Variants in UBTD2 observed in about 807,000 individuals in gnomAD.
The protein encoded by UBTD2 is ubiquitin domain containing 2.
UBTD2 carries 9 observed loss-of-function variants against 19.8 expected under a neutral mutation model. The ratio of observed to expected loss-of-function variants is 0.46; its 90% CI spans 0.27 to 0.79. The LOEUF is 0.79. Among genes scored for constraint, UBTD2 ranks in the 30% least tolerant of loss-of-function variants. The pLI is 0.14. For synonymous variants in UBTD2, 98 were observed against 103.9 expected (o/e 0.94, Z 0.35); for missense variants, 250 against 300.4 (o/e 0.83, Z 1.24).
At chr5:172,240,858 G>T (rs780934692) in intron 1 of UBTD2, among the ~76,000 whole-genome samples, 1 of 152,128 alleles carries the variant, frequency 6.6e-6, no homozygotes, top group Non-Finnish European at 1.5e-5. Flanking sequence ...GGCCAAGGCA[G>T]ACAGATCAAT....
At chr5:172,254,445 T>G (rs1342926650) in intron 1 of UBTD2, 2 of 463,746 alleles carry the variant, frequency 4.3e-6, no homozygotes, top group Non-Finnish European at 7.9e-6. Flanking sequence ...ACGGTTACAG[T>G]CCGGACACTG....
At chr5:172,283,906 G>A (rs891504236), upstream of UBTD2, 15 of 155,688 alleles carry the variant, frequency 9.6e-5, no homozygotes, top group Non-Finnish European at 1.9e-4. This position sits in a 1 kb window ranked among gnomAD's most constrained non-coding sequence, Gnocchi z 4.3. Flanking sequence ...TGGCCCGCGC[G>A]CCGCCCTCGC....
chr5:172,239,058 T>C (rs1227147663), intron 1 of UBTD2, among the ~76,000 whole-genome samples: 9 of 151,164 alleles, frequency 6.0e-5, no homozygotes, highest in Admixed American at 4.0e-4. Context: ...ATAATACATA[T>C]ATTCCCTTTA....
intron 1 of UBTD2, among the ~76,000 whole-genome samples, chr5:172,278,014 T>C (rs773870681): frequency 6.6e-6 from 1 of 152,042 alleles, no homozygotes; most frequent in African/African-American, 2.4e-5. Context: ...TGCTGTAATT[T>C]AAAAAATGGA....
Position 172,283,600 on chromosome 5 carries a change from G to A in UBTD2, c.66C>T (p.Thr22=). 7.6e-7 allele frequency: 1 copy of A among 1,308,948 alleles called. No homozygotes were observed. Among genetic ancestry groups the A allele is most frequent in the Non-Finnish European group, 9.8e-7 (1 of 1,020,390 alleles). 81.1% of individuals were successfully genotyped at this position (1,308,948 alleles called of 1,614,324 possible). A position where few individuals can be genotyped will look rare whatever the true frequency, so the allele number is the denominator to read the frequency against. Residue 22 remains threonine (T), a synonymous_variant, in exon 1 of 3, where the codon ACC becomes ACT. Transcript: ENST00000393792. This position sits in a 1 kb window ranked among gnomAD's most constrained non-coding sequence, Gnocchi z 4.3. ...TGCCCCCTGGCGCTCACCTACCTCC[G>A]GTGCCCTCCGAGTTCTCGTTGAGGC... ...SGSLNENSEG[T]GVALGRNQPL...
At chr5:172,251,367 G>GA (rs1755014944) in intron 1 of UBTD2, among the ~76,000 whole-genome samples, 1 of 136,638 alleles carries the variant, frequency 7.3e-6, no homozygotes, top group Admixed American at 8.1e-5. Context: ...GTTCCTGTCA[G>GA]AAATATAATC....
rs75001996 is a variant in UBTD2 at position 172,274,992 on chromosome 5, C to T, written c.70+8604G>A. ...TGGAGTTTGCCGTGAGCCAAGATTG[C>T]GCCACTGCACTCCAGCCTGTGCAAC... On this transcript the variant is annotated intron_variant, in intron 1 of 2. Coordinates refer to ENST00000393792, the MANE Select transcript of UBTD2 (RefSeq NM_152277.3). 0.011 allele frequency among the ~76,000 whole-genome samples: 1,696 copies of T among 152,156 alleles called. 79 individuals carry two copies. The East Asian group carries it at 0.17, about 16-fold the overall frequency.
chr5:172,221,805 C>T (rs1291016161), intron 2 of UBTD2, among the ~76,000 whole-genome samples: 2 of 151,986 alleles, frequency 1.3e-5, no homozygotes, highest in Non-Finnish European at 2.9e-5. Flanking sequence ...TTGTCCAAAC[C>T]CACAGAATGT....
At position 172,217,016 on chromosome 5, in the gene UBTD2, C is replaced by T. The variant is rs531620502; in HGVS notation, c.308-4789G>A. The stretch of plus-strand genomic sequence containing the variant: ...AAAGACAGAATTACATATCCAACTC[C>T]AACTTCTCAGAAACCATGCAAGTAT... On this transcript the variant is annotated intron_variant, in intron 2 of 2. Transcript: ENST00000393792. Among the ~76,000 whole-genome samples the T allele has an allele frequency of 2.4e-4, 37 of 152,142 alleles. 1 individual carries two copies. In the South Asian group the frequency reaches 7.7e-3, roughly 32 times the overall value.
At chr5:172,271,346 G>A (rs535450640) in intron 1 of UBTD2, among the ~76,000 whole-genome samples, 8 of 151,052 alleles carry the variant, frequency 5.3e-5, no homozygotes, top group African/African-American at 1.7e-4. Context: ...GGAGAATGGC[G>A]TGACCCCAGG....
intron 1 of UBTD2, among the ~76,000 whole-genome samples, chr5:172,253,455 CAATT>C (rs1755069722): frequency 6.8e-6 from 1 of 148,036 alleles, no homozygotes; most frequent in Non-Finnish European, 1.5e-5. Flanking sequence ...TCAACCCTAT[CAATT>C]TTTTTTTTTT....
At chr5:172,243,842 G>A (rs1003686425) in intron 1 of UBTD2, among the ~76,000 whole-genome samples, 9 of 151,528 alleles carry the variant, frequency 5.9e-5, no homozygotes, top group Non-Finnish European at 1.0e-4. Flanking sequence ...TTTTTTTGGC[G>A]TTGTTTAAGC....
chr5:172,271,378 G>A (rs1040711894), intron 1 of UBTD2, among the ~76,000 whole-genome samples: 4 of 148,720 alleles, frequency 2.7e-5, no homozygotes, highest in Admixed American at 6.8e-5. Context: ...GCCGTGAGCC[G>A]AGATCGCACC....
intron 1 of UBTD2, among the ~76,000 whole-genome samples, chr5:172,255,707 C>A (rs1431728972): frequency 2.6e-5 from 4 of 152,154 alleles, no homozygotes; most frequent in Non-Finnish European, 4.4e-5. Context: ...CGGCGCCGCT[C>A]GCTCAGCAAG....
intron 1 of UBTD2, among the ~76,000 whole-genome samples, chr5:172,253,772 A>T (rs77642022): frequency 0.32 from 48,939 of 151,774 alleles, 7,955 homozygotes; most frequent in South Asian, 0.42. Flanking sequence ...GAATTCTTAA[A>T]TTTTTTTTAT....
intron 2 of UBTD2, among the ~76,000 whole-genome samples, chr5:172,220,530 G>A (rs2113877495): frequency 6.6e-6 from 1 of 152,322 alleles, no homozygotes; most frequent in African/African-American, 2.4e-5. Context: ...AGCTATTCGG[G>A]AAGTTGAGGC....
At chr5:172,221,487 G>A (rs1198638966) in intron 2 of UBTD2, among the ~76,000 whole-genome samples, 3 of 152,140 alleles carry the variant, frequency 2.0e-5, no homozygotes, top group Non-Finnish European at 4.4e-5. Context: ...GGGTGACAGA[G>A]TAAGACCCTA....
intron 2 of UBTD2, among the ~76,000 whole-genome samples, chr5:172,232,560 A>G (rs575550593): frequency 2.8e-4 from 43 of 152,150 alleles, no homozygotes; most frequent in Admixed American, 7.9e-4. Flanking sequence ...GCAAGGATAT[A>G]GTAAGTTAAG....
At chr5:172,250,078 C>T (rs1461644523) in intron 1 of UBTD2, among the ~76,000 whole-genome samples, 1 of 151,952 alleles carries the variant, frequency 6.6e-6, no homozygotes, top group East Asian at 1.9e-4. Flanking sequence ...CAAACATTAG[C>T]TGGGCGTGGT....
Sources: allele counts gnomAD v4.1 joint callset (sites outside exome capture counted in the v4.1 genomes callset), GRCh38; gene constraint gnomAD v4.1.1; non-coding constraint Gnocchi (gnomAD v3.1); transcripts MANE v1.5; gene names NCBI Gene and HGNC (gene_info 2026-07-23, HGNC 2026-07-21).